The following PRKCZ variants were observed in gnomAD, a reference collection of about 807,000 sequenced individuals.
PRKCZ encodes the protein protein kinase C zeta type.
In PRKCZ, 33 loss-of-function variants were observed where a neutral mutation model predicts 79.5. That is an observed-to-expected ratio of 0.41 (90% CI 0.31 to 0.55). PRKCZ has a LOEUF of 0.55. PRKCZ is among the 20% of genes least tolerant of loss of function. The probability of loss-of-function intolerance (pLI) is 0.19; values close to 1 mark genes in which losing one functional copy is unlikely to be tolerated. For synonymous variants in PRKCZ, 342 were observed against 320.9 expected (o/e 1.07, Z -0.70); for missense variants, 578 against 813.5 (o/e 0.71, Z 3.52).
chr1:2,114,020 G>A (rs906299714), intron 4 of PRKCZ, among the ~76,000 whole-genome samples: 6 of 152,156 alleles, frequency 3.9e-5, no homozygotes, highest in African/African-American at 1.2e-4. Context: ...GAGAGCGGGC[G>A]CCATGTTGTG....
chr1:2,087,792 A>G (rs1664785624), intron 4 of PRKCZ, among the ~76,000 whole-genome samples: 1 of 152,200 alleles, frequency 6.6e-6, no homozygotes, highest in Non-Finnish European at 1.5e-5. Context: ...CCACTAACAG[A>G]AAATGCCCGA....
chr1:2,130,169 G>A (rs1674684394), intron 4 of PRKCZ, among the ~76,000 whole-genome samples: 1 of 152,230 alleles, frequency 6.6e-6, no homozygotes, highest in Admixed American at 6.5e-5. Context: ...ACCTACCGAG[G>A]TAGTGGGGTT....
intron 4 of PRKCZ, chr1:2,073,977 G>A (rs899315884): frequency 1.0e-5 from 14 of 1,394,578 alleles, no homozygotes; most frequent in Admixed American, 3.0e-5. Flanking sequence ...CCCCGGGGCC[G>A]GGCCAGCCGT....
intron 4 of PRKCZ, among the ~76,000 whole-genome samples, chr1:2,080,019 G>A (rs949643014): frequency 6.6e-6 from 1 of 152,218 alleles, no homozygotes; most frequent in Admixed American, 6.5e-5. Context: ...TGCACAGCAG[G>A]TGCCCCACTT....
At chr1:2,106,776 A>ACGTGTGT (rs1668597885) in intron 4 of PRKCZ, among the ~76,000 whole-genome samples, 1 of 122,064 alleles carries the variant, frequency 8.2e-6, no homozygotes, top group African/African-American at 3.6e-5. Context: ...GAGGACCTCC[A>ACGTGTGT]CACGTGTCAC....
At chr1:2,169,651 ATGGGTGGGTGCGTGCGGTGTTGGGGGGC>A (rs1557729419) in intron 11 of PRKCZ, 47 bp downstream of exon 11, 6 of 558,582 alleles carry the variant, frequency 1.1e-5, no homozygotes, top group South Asian at 3.9e-5. Flanking sequence ...GGAGTTGGGG[ATGGGTGGGTGCGTGCGGTGTTGGGGGGC>A]TGGGTGGGTG....
At chr1:2,166,224 G>A (rs1683290635) in intron 10 of PRKCZ, among the ~76,000 whole-genome samples, 1 of 152,144 alleles carries the variant, frequency 6.6e-6, no homozygotes, top group Admixed American at 6.5e-5. Flanking sequence ...TTCAAGACCA[G>A]CCTGGGAAAT....
At chr1:2,066,134 T>C (rs1028389318) in intron 4 of PRKCZ, among the ~76,000 whole-genome samples, 1 of 152,204 alleles carries the variant, frequency 6.6e-6, no homozygotes, top group East Asian at 1.9e-4. Context: ...ATTATGTCCA[T>C]GTTCTTAAGA....
chr1:2,058,067 C>T (rs139715356), intron 3 of PRKCZ, among the ~76,000 whole-genome samples: 29 of 152,276 alleles, frequency 1.9e-4, no homozygotes, highest in African/African-American at 6.7e-4. Flanking sequence ...CGGAGTTTCA[C>T]CATGTTAGCC....
chr1:2,058,486 A>T (rs989500110), intron 3 of PRKCZ, among the ~76,000 whole-genome samples: 7 of 152,100 alleles, frequency 4.6e-5, no homozygotes, highest in Non-Finnish European at 8.8e-5. Context: ...TCAGATAAAT[A>T]AATTCATAGA....
chr1:2,160,454 G>A (rs1571909807), intron 10 of PRKCZ, among the ~76,000 whole-genome samples: 2 of 152,192 alleles, frequency 1.3e-5, no homozygotes, highest in East Asian at 3.9e-4. Context: ...CACGTAGGAG[G>A]GGCTCATGGG....
chr1:2,100,878 C>T (rs1006255154), intron 4 of PRKCZ, among the ~76,000 whole-genome samples: 2 of 152,118 alleles, frequency 1.3e-5, no homozygotes, highest in Non-Finnish European at 2.9e-5. Flanking sequence ...CTTTCCAACA[C>T]ACCCCCTGAG....
intron 4 of PRKCZ, among the ~76,000 whole-genome samples, chr1:2,095,783 CTCTGCCCTCT>C (rs1409023634): frequency 4.1e-5 from 6 of 146,404 alleles, no homozygotes; most frequent in Non-Finnish European, 7.5e-5. Context: ...CTCTTCCCTC[CTCTGCCCTCT>C]GCTCCCCTCT....
In PRKCZ at chr1:2,169,500, G is replaced by T; in HGVS notation, c.975-18G>T. On this transcript the variant is annotated intron_variant, in intron 10 of 17. Coordinates refer to ENST00000378567, the MANE Select transcript of PRKCZ (RefSeq NM_002744.6). ...TCTGCCGAGGTGACTGCAGCCTCCG[G>T]CGCCTCTCTCCCTGCAGGTTGTTCC... 2 of 1,548,452 alleles carry T rather than the reference G, an allele frequency of 1.3e-6. No homozygotes were observed. Among genetic ancestry groups the T allele is most frequent in the Non-Finnish European group, 1.7e-6 (2 of 1,145,050 alleles).
intron 4 of PRKCZ, among the ~76,000 whole-genome samples, chr1:2,067,987 A>G (rs1024274787): frequency 2.0e-4 from 30 of 152,346 alleles, no homozygotes; most frequent in African/African-American, 7.0e-4. Flanking sequence ...GGACTTGAGC[A>G]GATGAGACTC....
intron 4 of PRKCZ, 97 bp from the exon 5 acceptor site, chr1:2,135,165 G>A (rs551261528): frequency 3.9e-5 from 42 of 1,070,668 alleles, no homozygotes; most frequent in Middle Eastern, 3.1e-4. Context: ...CGCTGCGGCC[G>A]CCACCACCTG....
chr1:2,071,415 C>T (rs1367466953), intron 4 of PRKCZ: 7 of 394,666 alleles, frequency 1.8e-5, no homozygotes, highest in East Asian at 8.6e-5. Flanking sequence ...ACAGTGGGGA[C>T]GCTGCTGGTG....
At chr1:2,152,210 A>G (rs375491139) in intron 9 of PRKCZ, among the ~76,000 whole-genome samples, 1 of 152,202 alleles carries the variant, frequency 6.6e-6, no homozygotes, top group Non-Finnish European at 1.5e-5. Context: ...AAAGTAAAAT[A>G]CACATGACAT....
At position 2,127,501 on chromosome 1, in the gene PRKCZ, C is replaced by T. The variant is rs2102955822; in HGVS notation, c.335-7761C>T. 6.6e-6 allele frequency among the ~76,000 whole-genome samples: 1 copy of T among 152,266 alleles called. No homozygotes were observed. The highest frequency in any genetic ancestry group is 1.5e-5 in the Non-Finnish European group (1 of 68,016). Reference sequence around the variant, plus strand: ...GGCTGGGCCCGTCCCGCCCCACGTCCCGCCTCCCACTGCCCTCAGCCTCTG... The same window carrying T: ...GGCTGGGCCCGTCCCGCCCCACGTCTCGCCTCCCACTGCCCTCAGCCTCTG... On this transcript the variant is annotated intron_variant, in intron 4 of 17. Coordinates refer to ENST00000378567, the MANE Select transcript of PRKCZ (RefSeq NM_002744.6). The surrounding 1 kb of genome is among the most constrained non-coding windows in gnomAD (Gnocchi z 5.1).
Sources: allele counts gnomAD v4.1 joint callset (sites outside exome capture counted in the v4.1 genomes callset), GRCh38; gene constraint gnomAD v4.1.1; non-coding constraint Gnocchi (gnomAD v3.1); transcripts MANE v1.5; gene names NCBI Gene and HGNC (gene_info 2026-07-23, HGNC 2026-07-21).